The following EPHX4 variants were observed in gnomAD, a reference collection of about 807,000 sequenced individuals.
EPHX4 encodes epoxide hydrolase 4.
A neutral mutation model predicts 44.9 loss-of-function variants in EPHX4; 31 were observed. That is an observed-to-expected ratio of 0.69 (90% CI 0.52 to 0.93). The LOEUF (loss-of-function observed/expected upper bound fraction) is 0.93, where lower values mean the gene tolerates loss of function less well. EPHX4 is among the 40% of genes least tolerant of loss of function. The pLI is 0.00. For missense variants in EPHX4, 373 were observed against 438.1 expected, an observed-to-expected ratio of 0.85 and a Z score of 1.33; for synonymous variants, 151 against 159.7, an observed-to-expected ratio of 0.95 and a Z score of 0.41.
At chr1:92,054,223 C>A (rs1647317308) in intron 6 of EPHX4, among the ~76,000 whole-genome samples, 2 of 152,148 alleles carry the variant, frequency 1.3e-5, no homozygotes, top group Admixed American at 1.3e-4. Flanking sequence ...AAAGACAAAA[C>A]TTCTCCAGGA....
At position 92,063,338 on chromosome 1, in the gene EPHX4, T is replaced by A. The variant is rs1392789418; in HGVS notation, c.*52T>A. ...TGTAATGAAATCTCTAAATAATTTT[T>A]AAAAATTGTTCATCAACTTCTTTAT... is the stretch of plus-strand genomic sequence containing the variant. On this transcript the variant is annotated 3_prime_UTR_variant, in exon 7 of 7. Transcript: ENST00000370383. 10 of 1,317,604 alleles carry A rather than the reference T, an allele frequency of 7.6e-6. No individual in the cohort carries two copies. The highest frequency in any genetic ancestry group is 1.0e-5 in the Non-Finnish European group (10 of 991,842). 81.6% of individuals were successfully genotyped at this position (1,317,604 alleles called of 1,614,324 possible).
chr1:92,050,119 A>T (rs548093434), intron 4 of EPHX4, among the ~76,000 whole-genome samples, 198 bp from the exon 5 acceptor site: 3 of 152,102 alleles, frequency 2.0e-5, no homozygotes, highest in South Asian at 4.1e-4. Flanking sequence ...AAAATAAAAA[A>T]AATAATAAAG....
intron 2 of EPHX4, among the ~76,000 whole-genome samples, chr1:92,036,530 G>T (rs768768587): frequency 2.6e-5 from 4 of 152,136 alleles, no homozygotes; most frequent in Non-Finnish European, 1.5e-5. Flanking sequence ...TCATTGTGAG[G>T]AATAGTTTAG....
At chr1:92,051,444 C>CT (rs902987450) in intron 5 of EPHX4, among the ~76,000 whole-genome samples, 3 of 151,416 alleles carry the variant, frequency 2.0e-5, no homozygotes, top group Admixed American at 6.6e-5. Flanking sequence ...TGCCTTCTTT[C>CT]TTTTTTTTCT....
At chr1:92,052,698 G>A (rs776783993) in intron 6 of EPHX4, 40 bp downstream of exon 6, 2 of 1,517,422 alleles carry the variant, frequency 1.3e-6, no homozygotes, top group East Asian at 2.4e-5. Context: ...AAATATTTCA[G>A]TCTGATCCTA....
intron 2 of EPHX4, among the ~76,000 whole-genome samples, chr1:92,035,789 T>A (rs2101866460): frequency 6.6e-6 from 1 of 152,188 alleles, no homozygotes; most frequent in East Asian, 1.9e-4. Context: ...CAGGCTCCAG[T>A]GTGTGTTGTT....
At chr1:92,047,843 T>C (rs1191951734) in intron 4 of EPHX4, among the ~76,000 whole-genome samples, 1 of 152,204 alleles carries the variant, frequency 6.6e-6, no homozygotes. Flanking sequence ...ACCACCTGGA[T>C]ACCTTAAAAA....
Position 92,029,996 on chromosome 1 carries a change from G to T in EPHX4, c.-84G>T. On this transcript the variant is annotated 5_prime_UTR_variant, in exon 1 of 7. It adds an upstream start codon to the 5' untranslated region. Coordinates refer to ENST00000370383, the MANE Select transcript of EPHX4 (RefSeq NM_173567.5). ...GGGCCGGGGGAGGCGCGCGTCGAGA[G>T]GCGACGGCGGGCTGGCCTGGCGCGC... 4 of 975,834 alleles carry T rather than the reference G, an allele frequency of 4.1e-6. No homozygotes were observed. Among genetic ancestry groups the T allele is most frequent in the Non-Finnish European group, 5.3e-6 (4 of 751,252 alleles). 60.4% of individuals were successfully genotyped at this position (975,834 alleles called of 1,614,324 possible).
intron 1 of EPHX4, among the ~76,000 whole-genome samples, chr1:92,031,338 C>A (rs915290269): frequency 1.3e-5 from 2 of 152,132 alleles, no homozygotes; most frequent in African/African-American, 4.8e-5. Context: ...GTTATTGAAC[C>A]TCTAGGAAGC....
chr1:92,055,524 A>G (rs1432021559), intron 6 of EPHX4, among the ~76,000 whole-genome samples: 1 of 152,198 alleles, frequency 6.6e-6, no homozygotes, highest in African/African-American at 2.4e-5. Flanking sequence ...GTTAATTTAA[A>G]TGGTCTTTGT....
chr1:92,038,749 T>C (rs1400075849), intron 2 of EPHX4, among the ~76,000 whole-genome samples: 2 of 151,614 alleles, frequency 1.3e-5, no homozygotes, highest in African/African-American at 4.9e-5. Flanking sequence ...TGGTGGGGAG[T>C]GATGGTATTT....
chr1:92,050,588 G>A (rs894609167), intron 5 of EPHX4, among the ~76,000 whole-genome samples, 168 bp downstream of exon 5: 2 of 152,052 alleles, frequency 1.3e-5, no homozygotes, highest in African/African-American at 4.8e-5. Flanking sequence ...CTCTGTTTAT[G>A]TATTTAAATA....
intron 2 of EPHX4, among the ~76,000 whole-genome samples, chr1:92,038,878 C>T (rs1397602445): frequency 6.6e-6 from 1 of 152,154 alleles, no homozygotes; most frequent in Non-Finnish European, 1.5e-5. Flanking sequence ...GGCCAGACTC[C>T]CTGGGCTGGA....
At position 92,052,382 on chromosome 1, in the gene EPHX4, A is replaced by G. The variant is rs1647278965; in HGVS notation, c.709-128A>G. On this transcript the variant is annotated intron_variant, in intron 5 of 6. Transcript: ENST00000370383. ...TATATGTATAAACAATGAGATCTCA[A>G]ACTTGGCTAGAGCAGAAATTAGGAG... 6 of 833,696 alleles carry G rather than the reference A, an allele frequency of 7.2e-6. No individual in the cohort carries two copies. The East Asian group carries it at 1.6e-4, about 22-fold the overall frequency. The allele number at this position is 833,696 out of a possible 1,614,324, so 51.6% of individuals were successfully genotyped here. A position where few individuals can be genotyped will look rare whatever the true frequency, so the allele number is the denominator to read the frequency against.
chr1:92,057,186 A>G (rs1647386590), intron 6 of EPHX4, among the ~76,000 whole-genome samples: 1 of 152,054 alleles, frequency 6.6e-6, no homozygotes, highest in South Asian at 2.1e-4. Context: ...AATTACATAT[A>G]TAAAGCAAAA....
chr1:92,055,330 G>A (rs1647337397), intron 6 of EPHX4, among the ~76,000 whole-genome samples: 1 of 152,172 alleles, frequency 6.6e-6, no homozygotes, highest in Non-Finnish European at 1.5e-5. Context: ...CAAAATGGTT[G>A]AAAGTAAGAG....
intron 4 of EPHX4, among the ~76,000 whole-genome samples, chr1:92,049,452 T>C (rs1055107095): frequency 2.6e-5 from 4 of 152,222 alleles, no homozygotes; most frequent in East Asian, 3.8e-4. Context: ...TTGTAAGCAT[T>C]TGGACTTATT....
chr1:92,034,059 G>A (rs1348514468), intron 2 of EPHX4, among the ~76,000 whole-genome samples: 5 of 140,318 alleles, frequency 3.6e-5, no homozygotes, highest in Admixed American at 7.4e-5. Flanking sequence ...TCAGGAGGCC[G>A]AGGCGGGTGG....
At chr1:92,053,584 C>G (rs763105608) in intron 6 of EPHX4, among the ~76,000 whole-genome samples, 12 of 152,064 alleles carry the variant, frequency 7.9e-5, no homozygotes, top group Non-Finnish European at 1.8e-4. Context: ...ATGATGGTAA[C>G]TTTAACAACT....
Sources: allele counts gnomAD v4.1 joint callset (sites outside exome capture counted in the v4.1 genomes callset), GRCh38; gene constraint gnomAD v4.1.1; transcripts MANE v1.5; gene names NCBI Gene and HGNC (gene_info 2026-07-23, HGNC 2026-07-21).